UTP4: variants seen among roughly 807,000 people sequenced by gnomAD.
UTP4 encodes UTP4 small subunit processome component, also known as U3 small nucleolar RNA-associated protein 4 homolog.
A neutral mutation model predicts 82.4 loss-of-function variants in UTP4; 45 were observed. The observed-to-expected ratio is 0.55, with a 90% CI of 0.43 to 0.70. UTP4 has a LOEUF of 0.70. Ranked by LOEUF, UTP4 falls within the 30% of genes least tolerant of loss-of-function variation. UTP4 has a pLI of 0.00. For synonymous variants in UTP4, 348 were observed against 300.3 expected, an observed-to-expected ratio of 1.16 and a Z score of -1.64; for missense variants, 819 against 858.3, an observed-to-expected ratio of 0.95 and a Z score of 0.57.
chr16:69,147,068 T>C (rs1220507244), intron 6 of UTP4, among the ~76,000 whole-genome samples: 2 of 149,318 alleles, frequency 1.3e-5, no homozygotes, highest in African/African-American at 4.9e-5. Flanking sequence ...TCCCAGCTAC[T>C]TGGGAGGCTG....
At chr16:69,151,720 CA>C (rs34317467) in intron 8 of UTP4, among the ~76,000 whole-genome samples, 4 of 151,778 alleles carry the variant, frequency 2.6e-5, no homozygotes, top group African/African-American at 9.7e-5. Flanking sequence ...CAAGCCACTG[CA>C]AAGACATTTA....
chr16:69,146,047 G>GC (rs1325408775), intron 6 of UTP4, among the ~76,000 whole-genome samples: 1 of 151,176 alleles, frequency 6.6e-6, no homozygotes, highest in Non-Finnish European at 1.5e-5. Flanking sequence ...GTTGCAGTGA[G>GC]CCGAGATTGT....
At chr16:69,135,020 T>C (rs546256029) in intron 2 of UTP4, among the ~76,000 whole-genome samples, 31 of 150,634 alleles carry the variant, frequency 2.1e-4, no homozygotes, top group Non-Finnish European at 3.9e-4. Flanking sequence ...TCTTCTTCTT[T>C]TTTTTTTTTT....
chr16:69,145,183 G>T (rs1049923376), intron 6 of UTP4, among the ~76,000 whole-genome samples: 1 of 151,998 alleles, frequency 6.6e-6, no homozygotes, highest in Non-Finnish European at 1.5e-5. Context: ...TTTCACCTAA[G>T]AGAAAGAGAA....
At chr16:69,158,474 C>T (rs1459806701) in intron 12 of UTP4, among the ~76,000 whole-genome samples, 1 of 151,828 alleles carries the variant, frequency 6.6e-6, no homozygotes, top group Non-Finnish European at 1.5e-5. Context: ...AAAGTCAACT[C>T]TTTTATCTTC....
chr16:69,141,750 TTC>T (rs1374918103), intron 5 of UTP4, among the ~76,000 whole-genome samples: 1 of 151,802 alleles, frequency 6.6e-6, no homozygotes, highest in Non-Finnish European at 1.5e-5. Context: ...ATTTCCAGAG[TTC>T]TTTTTTTTCG....
intron 12 of UTP4, 84 bp from the exon 13 acceptor site, chr16:69,160,272 C>A: frequency 1.0e-6 from 1 of 995,698 alleles, no homozygotes; most frequent in Non-Finnish European, 1.6e-6. Flanking sequence ...CTAATGGTCT[C>A]CTTGGCTTTT....
intron 15 of UTP4, 193 bp from the exon 16 acceptor site, chr16:69,166,882 T>C (rs1963715243): frequency 1.7e-6 from 1 of 593,176 alleles, no homozygotes. Context: ...TTTTCTTCTT[T>C]TTTTCCCCCC....
chr16:69,163,199 T>G, intron 14 of UTP4, 21 bp downstream of exon 14: 1 of 1,566,260 alleles, frequency 6.4e-7, no homozygotes, highest in Non-Finnish European at 8.8e-7. Context: ...TTCCAGTGCT[T>G]TCTATTCCCT....
intron 13 of UTP4, among the ~76,000 whole-genome samples, chr16:69,160,928 A>G (rs1439837994): frequency 6.6e-6 from 1 of 152,030 alleles, no homozygotes; most frequent in Admixed American, 6.6e-5. Context: ...TAATTTTTCC[A>G]GGTTTGGAAT....
intron 16 of UTP4, 34 bp from the exon 17 acceptor site, chr16:69,168,787 A>G (rs770382202): frequency 5.9e-6 from 8 of 1,349,418 alleles, no homozygotes; most frequent in African/African-American, 1.4e-5. Flanking sequence ...CCTGGATCCT[A>G]AGTCCTGATA....
intron 15 of UTP4, 109 bp from the exon 16 acceptor site, chr16:69,166,966 A>G (rs1229165768): frequency 1.3e-6 from 1 of 777,430 alleles, no homozygotes; most frequent in Non-Finnish European, 2.3e-6. Flanking sequence ...GGTACTGAAT[A>G]TATATGATGG....
chr16:69,136,644 C>T, intron 2 of UTP4, 52 bp from the exon 3 acceptor site: 1 of 1,584,452 alleles, frequency 6.3e-7, no homozygotes, highest in Non-Finnish European at 8.7e-7. Context: ...CCACTCAGTA[C>T]CGGTACCTGA....
At chr16:69,164,587 TA>T (rs1963649362) in intron 14 of UTP4, among the ~76,000 whole-genome samples, 6 of 10,894 alleles carry the variant, frequency 5.5e-4, no homozygotes, top group Admixed American at 4.7e-3. Flanking sequence ...AATCATTCTT[TA>T]TATATATATA....
At chr16:69,154,952 TC>T (rs1236508981) in intron 10 of UTP4, among the ~76,000 whole-genome samples, 1 of 152,066 alleles carries the variant, frequency 6.6e-6, no homozygotes. Flanking sequence ...ACTCCCGACC[TC>T]AGGTGATCCG....
chr16:69,167,842 C>T (rs1000859960), intron 16 of UTP4: 1 of 126,836 alleles, frequency 7.9e-6, no homozygotes, highest in African/African-American at 2.8e-5. Flanking sequence ...CCTGTCTCTA[C>T]AAAAAAAAAA....
At chr16:69,153,024 T>A (rs79663314) in intron 8 of UTP4, among the ~76,000 whole-genome samples, 4,039 of 152,292 alleles carry the variant, frequency 0.027, 78 homozygotes, top group Non-Finnish European at 0.038. Context: ...TAGTGTGTCT[T>A]ATAGAACCTG....
chr16:69,135,227 T>G (rs1962781529), intron 2 of UTP4, among the ~76,000 whole-genome samples: 1 of 152,200 alleles, frequency 6.6e-6, no homozygotes, highest in Non-Finnish European at 1.5e-5. Context: ...TGCTTAATGT[T>G]TCTTGAATGG....
At chr16:69,157,487 A>G (rs138490453) in intron 12 of UTP4, among the ~76,000 whole-genome samples, 1 of 152,312 alleles carries the variant, frequency 6.6e-6, no homozygotes, top group African/African-American at 2.4e-5. Flanking sequence ...GGCCAGAGAA[A>G]TTTCATCATC....
Sources: gnomAD v4.1 joint callset for allele counts (sites outside exome capture counted in the v4.1 genomes callset) on GRCh38, gnomAD v4.1.1 for gene constraint, MANE v1.5 for transcripts, NCBI Gene and HGNC (gene_info 2026-07-23, HGNC 2026-07-21) for gene names.